Variants in SSUH2 observed in about 807,000 individuals in gnomAD.
SSUH2 encodes the protein protein SSUH2 homolog.
In SSUH2, 47 loss-of-function variants were observed where a neutral mutation model predicts 55.3. The observed-to-expected ratio is 0.85, with a 90% CI of 0.67 to 1.08. SSUH2 has a LOEUF of 1.08. Among genes scored for constraint, SSUH2 ranks in the 50% least tolerant of loss-of-function variants. SSUH2 has a pLI of 0.00. For missense variants in SSUH2, 535 were observed against 490.7 expected (o/e 1.09, Z -0.85); for synonymous variants, 212 against 191.5 (o/e 1.11, Z -0.89).
At chr3:8,681,191 G>T (rs532810927) in intron 1 of SSUH2, among the ~76,000 whole-genome samples, 6 of 129,458 alleles carry the variant, frequency 4.6e-5, no homozygotes, top group Admixed American at 1.6e-4. Context: ...GCAAGGCGGG[G>T]AATGAGAGCC....
chr3:8,678,695 TC>T lies in SSUH2; in HGVS notation c.-901+1009del, dbSNP rs1175018726. ...GCGGGGATTGAGAGCCAGCCACTCT[TC>T]CCCTCCTGGGTCTTAGGACCCCCAA... On this transcript the variant is annotated intron_variant, in intron 2 of 18. Transcript: ENST00000317371. Among the ~76,000 whole-genome samples the T allele has an allele frequency of 2.8e-4, 17 of 59,784 alleles. 3 individuals carry two copies. The highest frequency in any genetic ancestry group is 8.3e-4 in the African/African-American group (15 of 18,068). The allele number at this position is 59,784 out of a possible 152,430, so 39.2% of individuals were successfully genotyped here.
chr3:8,670,788 T>A (rs1292117416), intron 5 of SSUH2, among the ~76,000 whole-genome samples: 1 of 152,074 alleles, frequency 6.6e-6, no homozygotes, highest in East Asian at 1.9e-4. Flanking sequence ...TGACGATTCA[T>A]ATCACAGGGT....
At chr3:8,679,128 G>C (rs867664482) in intron 2 of SSUH2, among the ~76,000 whole-genome samples, 3 of 98,662 alleles carry the variant, frequency 3.0e-5, no homozygotes, top group Non-Finnish European at 6.9e-5. Flanking sequence ...CCCAAATTGC[G>C]GGGGGGAGGC....
intron 4 of SSUH2, among the ~76,000 whole-genome samples, chr3:8,633,413 G>A (rs1454790059): frequency 6.6e-6 from 1 of 152,116 alleles, no homozygotes; most frequent in East Asian, 1.9e-4. Context: ...ACCCACCTCG[G>A]CCTCCCAAAG....
chr3:8,681,474 G>A (rs1400630508), intron 1 of SSUH2, among the ~76,000 whole-genome samples: 7 of 133,888 alleles, frequency 5.2e-5, no homozygotes, highest in Admixed American at 1.5e-4. Flanking sequence ...GACCCCCGTC[G>A]TAGGGGGGAG....
rs538920274 is a variant in SSUH2 at position 8,679,275 on chromosome 3, C to T, written c.-901+430G>A. Among the ~76,000 whole-genome samples the T allele has an allele frequency of 1.1e-4, 9 of 83,714 alleles. 4 individuals are homozygous for T. Among genetic ancestry groups the T allele is most frequent in the East Asian group, 5.5e-4 (2 of 3,630 alleles). The allele number at this position is 83,714 out of a possible 152,430, so 54.9% of individuals were successfully genotyped here. A position where few individuals can be genotyped will look rare whatever the true frequency, so the allele number is the denominator to read the frequency against. ...AATTTTCCCCCTGGCTTTTAGGACC[C>T]CCATCGGAGGGGGGGAGCCACCCCC... On this transcript the variant is annotated intron_variant, in intron 2 of 18. Transcript: ENST00000317371.
At chr3:8,646,463 C>T (rs930235704), upstream of SSUH2, among the ~76,000 whole-genome samples, 16 of 152,164 alleles carry the variant, frequency 1.1e-4, no homozygotes, top group Admixed American at 2.6e-4. Context: ...ATCTTGAGGC[C>T]GCAAAAATGC....
At chr3:8,635,453 A>G in intron 2 of SSUH2, 72 bp from the exon 3 acceptor site, 1 of 1,121,444 alleles carries the variant, frequency 8.9e-7, no homozygotes, top group Non-Finnish European at 1.3e-6. Flanking sequence ...TGGAAGAAGG[A>G]AAGACTGATT....
Position 8,679,281 on chromosome 3 carries a change from G to A in SSUH2, c.-901+424C>T, listed in dbSNP as rs557631901. On this transcript the variant is annotated intron_variant, in intron 2 of 18. Coordinates refer to the SSUH2 transcript ENST00000317371. ...CCCCCTGGCTTTTAGGACCCCCATC[G>A]GAGGGGGGGAGCCACCCCCCATGAG... Among the ~76,000 whole-genome samples, 38 of 72,924 alleles carry A rather than the reference G, an allele frequency of 5.2e-4. 7 individuals are homozygous for A. Among genetic ancestry groups the A allele is most frequent in the East Asian group, 2.6e-3 (8 of 3,028 alleles). 47.8% of individuals were successfully genotyped at this position (72,924 alleles called of 152,430 possible). A position where few individuals can be genotyped will look rare whatever the true frequency, so the allele number is the denominator to read the frequency against.
intron 11 of SSUH2, 84 bp downstream of exon 11, chr3:8,623,464 CT>C: frequency 1.1e-6 from 1 of 872,696 alleles, no homozygotes; most frequent in Non-Finnish European, 1.9e-6. Context: ...CGTCCTCATC[CT>C]TCCGCTCCGA....
At position 8,677,794 on chromosome 3, in the gene SSUH2, A is replaced by G. The variant is rs571433520; in HGVS notation, c.-900-441T>C. On this transcript the variant is annotated intron_variant, in intron 2 of 18. Transcript: ENST00000317371. Reference sequence around the variant, plus strand: ...CAAAACCTGAACATAAAGGCCCCCCATGCTGTGGTGACTGAGAGCCAGCCC... The same window carrying G: ...CAAAACCTGAACATAAAGGCCCCCCGTGCTGTGGTGACTGAGAGCCAGCCC... Among the ~76,000 whole-genome samples, 339 of 150,592 alleles carry G rather than the reference A, an allele frequency of 2.3e-3. 14 individuals are homozygous for G. Among genetic ancestry groups the G allele is most frequent in the Non-Finnish European group, 3.3e-3 (221 of 67,788 alleles).
chr3:8,620,594 A>G (rs559793041), intron 11 of SSUH2, among the ~76,000 whole-genome samples: 1 of 152,252 alleles, frequency 6.6e-6, no homozygotes, highest in South Asian at 2.1e-4. Flanking sequence ...TCTGGCCAAA[A>G]CCGACTTCTC....
At chr3:8,680,086 C>T (rs1456810853) in intron 1 of SSUH2, among the ~76,000 whole-genome samples, 2 of 152,148 alleles carry the variant, frequency 1.3e-5, no homozygotes, top group Non-Finnish European at 2.9e-5. Context: ...CCGTTGTATG[C>T]ATCAGAGAGA....
intron 1 of SSUH2, among the ~76,000 whole-genome samples, chr3:8,640,904 T>C (rs1008437415): frequency 6.6e-6 from 1 of 152,366 alleles, no homozygotes; most frequent in East Asian, 1.9e-4. Context: ...TTTGTCAATA[T>C]TTTTCAATTA....
rs142633577 is a variant in SSUH2 at position 8,641,346 on chromosome 3, A to G, written c.28+3385T>C. 2.3e-3 allele frequency among the ~76,000 whole-genome samples: 354 copies of G among 152,262 alleles called. 3 individuals are homozygous for G. The highest frequency in any genetic ancestry group is 0.017 in the Middle Eastern group (5 of 294). The stretch of plus-strand genomic sequence containing the variant: ...CAATGACCACAGCACAAAATACCTA[A>G]CCTGCTACGCAGTCTTTGGGGAGAA... On this transcript the variant is annotated intron_variant, in intron 1 of 11. Transcript: ENST00000544814.
intron 5 of SSUH2, among the ~76,000 whole-genome samples, chr3:8,631,636 A>G (rs1318439240): frequency 1.3e-5 from 2 of 152,072 alleles, no homozygotes; most frequent in Non-Finnish European, 2.9e-5. Context: ...AGAGAAGCTT[A>G]GGCCTCCAGT....
intron 1 of SSUH2, among the ~76,000 whole-genome samples, chr3:8,640,758 C>T (rs1353420437): frequency 3.9e-5 from 6 of 152,124 alleles, no homozygotes; most frequent in African/African-American, 1.4e-4. Context: ...GTTCACCATG[C>T]CGTGAGACCA....
chr3:8,657,728 G>A (rs151282389), intron 7 of SSUH2, among the ~76,000 whole-genome samples: 116 of 152,306 alleles, frequency 7.6e-4, no homozygotes, highest in African/African-American at 2.5e-3. Flanking sequence ...AGGGAAGGAG[G>A]GAGGGAGAAA....
At chr3:8,653,135 A>G (rs1391523728) in intron 7 of SSUH2, among the ~76,000 whole-genome samples, 3 of 152,250 alleles carry the variant, frequency 2.0e-5, no homozygotes, top group Non-Finnish European at 2.9e-5. Context: ...ATGGAGATGT[A>G]TGTCATCCAA....
Sources: allele counts gnomAD v4.1 joint callset (sites outside exome capture counted in the v4.1 genomes callset), GRCh38; gene constraint gnomAD v4.1.1; transcripts MANE v1.5; gene names NCBI Gene and HGNC (gene_info 2026-07-23, HGNC 2026-07-21).